The following ARHGAP15 variants were observed in gnomAD, a reference collection of about 807,000 sequenced individuals.
ARHGAP15 encodes Rho GTPase activating protein 15.
ARHGAP15 carries 51 observed loss-of-function variants against 63.7 expected under a neutral mutation model. The ratio of observed to expected loss-of-function variants is 0.80; its 90% CI spans 0.64 to 1.01. The LOEUF (loss-of-function observed/expected upper bound fraction) is 1.01, where lower values mean the gene tolerates loss of function less well. Among genes scored for constraint, ARHGAP15 ranks in the 50% least tolerant of loss-of-function variants. ARHGAP15 has a pLI of 0.00. For missense variants in ARHGAP15, 560 were observed against 564.6 expected (o/e 0.99, Z 0.08); for synonymous variants, 191 against 193.8 (o/e 0.99, Z 0.12).
At chr2:143,354,038 C>A (rs886772826) in intron 6 of ARHGAP15, among the ~76,000 whole-genome samples, 2 of 151,244 alleles carry the variant, frequency 1.3e-5, no homozygotes, top group Non-Finnish European at 2.9e-5. Flanking sequence ...GCATTGGTGG[C>A]CTCAGTAAAA....
chr2:143,291,049 TG>T (rs1682373010), intron 6 of ARHGAP15, among the ~76,000 whole-genome samples: 1 of 152,140 alleles, frequency 6.6e-6, no homozygotes, highest in African/African-American at 2.4e-5. Context: ...GGCCTGAAAG[TG>T]GCATTGAGCT....
At chr2:143,688,116 T>A in intron 12 of ARHGAP15, among the ~76,000 whole-genome samples, 1 of 152,304 alleles carries the variant, frequency 6.6e-6, no homozygotes, top group Non-Finnish European at 1.5e-5. Flanking sequence ...TGCTTAATTT[T>A]AAAACATGTG....
At chr2:143,200,704 G>A (rs1017055457) in intron 2 of ARHGAP15, among the ~76,000 whole-genome samples, 2 of 151,756 alleles carry the variant, frequency 1.3e-5, no homozygotes, top group African/African-American at 2.4e-5. Flanking sequence ...ATGTTTTATT[G>A]TAGAATCTGT....
At chr2:143,400,816 A>G (rs1421516081) in intron 6 of ARHGAP15, among the ~76,000 whole-genome samples, 1 of 152,030 alleles carries the variant, frequency 6.6e-6, no homozygotes, top group African/African-American at 2.4e-5. Flanking sequence ...CTCCCCCTAT[A>G]GGGGAGTTGA....
intron 12 of ARHGAP15, among the ~76,000 whole-genome samples, chr2:143,702,529 G>A (rs986940930): frequency 1.3e-5 from 2 of 151,984 alleles, no homozygotes; most frequent in African/African-American, 4.8e-5. Context: ...AGCAACAATA[G>A]AATATTTGTA....
At chr2:143,244,930 AGGAG>A (rs1312956325) in intron 5 of ARHGAP15, among the ~76,000 whole-genome samples, 4 of 152,338 alleles carry the variant, frequency 2.6e-5, no homozygotes, top group African/African-American at 9.6e-5. Flanking sequence ...GGTGAAAGAA[AGGAG>A]GGAGTTAAGA....
chr2:143,206,659 G>A (rs949527101), intron 3 of ARHGAP15, among the ~76,000 whole-genome samples: 4 of 151,964 alleles, frequency 2.6e-5, no homozygotes, highest in Non-Finnish European at 4.4e-5. Flanking sequence ...TTGAAGGGAG[G>A]ACTATGTCTT....
chr2:143,142,060 G>A (rs1160417922), intron 1 of ARHGAP15, among the ~76,000 whole-genome samples: 1 of 152,084 alleles, frequency 6.6e-6, no homozygotes, highest in Non-Finnish European at 1.5e-5. Context: ...GAATTTTCAA[G>A]AGAAGACATA....
chr2:143,334,154 G>C (rs1053021145), intron 6 of ARHGAP15, among the ~76,000 whole-genome samples: 6 of 152,062 alleles, frequency 3.9e-5, no homozygotes, highest in Non-Finnish European at 8.8e-5. Flanking sequence ...GAAATGGTAG[G>C]AACTGAATTA....
At chr2:143,498,572 A>T (rs557862573) in intron 9 of ARHGAP15, among the ~76,000 whole-genome samples, 13 of 152,284 alleles carry the variant, frequency 8.5e-5, no homozygotes, top group African/African-American at 3.1e-4. Context: ...TCCCTTTAAT[A>T]TGTCTTTTCT....
At chr2:143,263,911 T>C (rs895850497) in intron 6 of ARHGAP15, among the ~76,000 whole-genome samples, 26 of 66,140 alleles carry the variant, frequency 3.9e-4, no homozygotes, top group African/African-American at 2.0e-3. Flanking sequence ...TGCAGTCTTT[T>C]TTTTTTTTTT....
intron 11 of ARHGAP15, among the ~76,000 whole-genome samples, chr2:143,563,129 A>G (rs1474837042): frequency 6.6e-6 from 1 of 152,234 alleles, no homozygotes; most frequent in Admixed American, 6.5e-5. Flanking sequence ...GAAGCCTAAT[A>G]GAAATTATTT....
intron 1 of ARHGAP15, among the ~76,000 whole-genome samples, chr2:143,136,067 C>T (rs1689123948): frequency 6.6e-6 from 1 of 152,042 alleles, no homozygotes; most frequent in African/African-American, 2.4e-5. Flanking sequence ...CCCAACCCAG[C>T]CTGCTTCTTT....
chr2:143,733,831 C>G (rs573433805), intron 13 of ARHGAP15, among the ~76,000 whole-genome samples: 1 of 152,112 alleles, frequency 6.6e-6, no homozygotes, highest in Non-Finnish European at 1.5e-5. Flanking sequence ...TGTACAATAC[C>G]TAAGATGGAA....
chr2:143,388,087 T>C (rs1687376064), intron 6 of ARHGAP15, among the ~76,000 whole-genome samples: 1 of 152,226 alleles, frequency 6.6e-6, no homozygotes, highest in Non-Finnish European at 1.5e-5. Flanking sequence ...TTCCACTTTT[T>C]GGTATGCCTA....
intron 1 of ARHGAP15, among the ~76,000 whole-genome samples, chr2:143,144,077 A>G (rs1689481987): frequency 6.6e-6 from 1 of 151,924 alleles, no homozygotes; most frequent in South Asian, 2.1e-4. Context: ...CCATCCATGA[A>G]CCTGCAAAGG....
chr2:143,181,484 A>T (rs576615552), intron 2 of ARHGAP15, among the ~76,000 whole-genome samples: 2 of 152,364 alleles, frequency 1.3e-5, no homozygotes, highest in South Asian at 4.1e-4. Context: ...AGCTAGCTTC[A>T]TCAATAATTT....
intron 6 of ARHGAP15, among the ~76,000 whole-genome samples, chr2:143,263,913 T>C: frequency 1.3e-5 from 1 of 75,528 alleles, no homozygotes; most frequent in South Asian, 4.5e-4. Flanking sequence ...CAGTCTTTTT[T>C]TTTTTTTTTT....
chr2:143,768,234 C>A lies in ARHGAP15; in HGVS notation c.*62C>A. The A allele has an allele frequency of 1.4e-6, 2 of 1,465,442 alleles. No individual in the cohort carries two copies. Among genetic ancestry groups the A allele is most frequent in the East Asian group, 2.4e-5 (1 of 41,526 alleles). 90.8% of individuals were successfully genotyped at this position (1,465,442 alleles called of 1,614,324 possible). A position where few individuals can be genotyped will look rare whatever the true frequency, so the allele number is the denominator to read the frequency against. ...CTTGATGCCTAATATTTTTACATTT[C>A]TGTAAACATATTTCTGAAATATTTT... On this transcript the variant is annotated 3_prime_UTR_variant, in exon 14 of 14. Transcript: ENST00000295095.
Sources: allele counts gnomAD v4.1 joint callset (sites outside exome capture counted in the v4.1 genomes callset), GRCh38; gene constraint gnomAD v4.1.1; transcripts MANE v1.5; gene names NCBI Gene and HGNC (gene_info 2026-07-23, HGNC 2026-07-21).